CACNA2D3: variants seen among roughly 807,000 people sequenced by gnomAD.
The protein encoded by CACNA2D3 is calcium voltage-gated channel auxiliary subunit alpha2delta 3.
In CACNA2D3, 60 loss-of-function variants were observed where a neutral mutation model predicts 160.6. That is an observed-to-expected ratio of 0.37 (90% CI 0.30 to 0.46). The LOEUF (loss-of-function observed/expected upper bound fraction) is 0.46, where lower values mean the gene tolerates loss of function less well. Ranked by LOEUF, CACNA2D3 falls within the 20% of genes least tolerant of loss-of-function variation. CACNA2D3 has a pLI of 1.00. For missense variants in CACNA2D3, 1,205 were observed against 1,365.0 expected (o/e 0.88, Z 1.85); for synonymous variants, 558 against 492.9 (o/e 1.13, Z -1.75).
chr3:54,981,813 C>G (rs567819579), intron 29 of CACNA2D3, among the ~76,000 whole-genome samples: 11 of 152,354 alleles, frequency 7.2e-5, no homozygotes, highest in African/African-American at 2.4e-4. Context: ...CTTGCCCCCC[C>G]ATTGGGTCCC....
chr3:54,525,919 A>T (rs1348546138), intron 5 of CACNA2D3, among the ~76,000 whole-genome samples: 1 of 151,934 alleles, frequency 6.6e-6, no homozygotes, highest in African/African-American at 2.4e-5. Flanking sequence ...ATCCTTCAAT[A>T]TCTTTTTCTG....
chr3:54,795,250 A>G (rs1334973851), intron 13 of CACNA2D3, among the ~76,000 whole-genome samples: 1 of 151,476 alleles, frequency 6.6e-6, no homozygotes, highest in Non-Finnish European at 1.5e-5. Context: ...TTTGGTTTTT[A>G]TTGGTTTTTG....
At chr3:54,617,733 G>A (rs943754530) in intron 9 of CACNA2D3, among the ~76,000 whole-genome samples, 3 of 152,196 alleles carry the variant, frequency 2.0e-5, no homozygotes, top group African/African-American at 7.2e-5. Flanking sequence ...GGCAGGCTGA[G>A]CTAGGAGGAT....
intron 4 of CACNA2D3, among the ~76,000 whole-genome samples, chr3:54,498,916 T>G (rs894173914): frequency 6.6e-6 from 1 of 152,126 alleles, no homozygotes; most frequent in Non-Finnish European, 1.5e-5. Flanking sequence ...AATCTAGATA[T>G]CAATGATATT....
intron 4 of CACNA2D3, among the ~76,000 whole-genome samples, chr3:54,392,609 C>T (rs192248464): frequency 2.0e-5 from 3 of 152,142 alleles, no homozygotes; most frequent in Admixed American, 1.3e-4. Context: ...TGGTCCTCAC[C>T]AAGCTGGAAG....
At chr3:54,295,114 C>T (rs1173579134) in intron 2 of CACNA2D3, among the ~76,000 whole-genome samples, 3 of 152,190 alleles carry the variant, frequency 2.0e-5, no homozygotes, top group Non-Finnish European at 4.4e-5. Flanking sequence ...AGTGGAGACA[C>T]ATAGAGAAGA....
intron 3 of CACNA2D3, among the ~76,000 whole-genome samples, chr3:54,351,795 T>G (rs1698569353): frequency 6.6e-6 from 1 of 152,238 alleles, no homozygotes; most frequent in African/African-American, 2.4e-5. Flanking sequence ...GTTTTATCAT[T>G]CCTTGCTCGG....
chr3:54,452,736 A>G (rs1216760963), intron 4 of CACNA2D3, among the ~76,000 whole-genome samples: 1 of 152,178 alleles, frequency 6.6e-6, no homozygotes, highest in Non-Finnish European at 1.5e-5. Flanking sequence ...AATTTATTTC[A>G]TGGTTCTGGA....
At chr3:54,905,815 G>A (rs75942760) in intron 27 of CACNA2D3, among the ~76,000 whole-genome samples, 2,196 of 152,164 alleles carry the variant, frequency 0.014, 57 homozygotes, top group African/African-American at 0.047. Flanking sequence ...AGAACTGTTG[G>A]GTTAAACTGA....
Position 54,177,588 on chromosome 3 carries a change from C to T in CACNA2D3, c.204+53994C>T, listed in dbSNP as rs191732643. Among the ~76,000 whole-genome samples the T allele has an allele frequency of 7.2e-5, 11 of 152,302 alleles. No individual in the cohort carries two copies. In the East Asian group the frequency reaches 9.6e-4, roughly 13 times the overall value. ...ATCCTGCAGTTACAAAGCTTCCTTACGAGTTTCATTTTTAGGAAACGTCTT... is the reference window on the plus strand; with the variant it reads ...ATCCTGCAGTTACAAAGCTTCCTTATGAGTTTCATTTTTAGGAAACGTCTT... On this transcript the variant is annotated intron_variant, in intron 2 of 37. Coordinates refer to ENST00000474759, the MANE Select transcript of CACNA2D3 (RefSeq NM_018398.3).
intron 11 of CACNA2D3, among the ~76,000 whole-genome samples, chr3:54,735,245 G>T (rs928643632): frequency 6.6e-5 from 10 of 152,198 alleles, no homozygotes; most frequent in Non-Finnish European, 1.3e-4. Flanking sequence ...TTTGTTCCCT[G>T]GTGCCCTTAG....
intron 16 of CACNA2D3, among the ~76,000 whole-genome samples, chr3:54,842,428 C>T (rs764578860): frequency 2.6e-5 from 4 of 152,112 alleles, no homozygotes; most frequent in Admixed American, 6.6e-5. Flanking sequence ...CTAAAATACA[C>T]AAACTGTAAC....
At chr3:54,379,367 T>A (rs1699062391) in intron 3 of CACNA2D3, among the ~76,000 whole-genome samples, 2 of 152,218 alleles carry the variant, frequency 1.3e-5, no homozygotes, top group Non-Finnish European at 2.9e-5. Context: ...AAAGAAATGA[T>A]CACCTTGATA....
chr3:54,871,411 C>A (rs757647730), intron 17 of CACNA2D3, 128 bp from the exon 18 acceptor site: 2 of 634,828 alleles, frequency 3.2e-6, no homozygotes, highest in Non-Finnish European at 5.5e-6. Flanking sequence ...CCCTGCTGGG[C>A]TTCTCACCCT....
intron 11 of CACNA2D3, among the ~76,000 whole-genome samples, chr3:54,663,617 C>T (rs1700009982): frequency 6.6e-6 from 1 of 152,216 alleles, no homozygotes; most frequent in Non-Finnish European, 1.5e-5. Context: ...CAACTAAATG[C>T]ATTTATGATT....
rs572076052 is a variant in CACNA2D3 at position 54,568,962 on chromosome 3, C to T, written c.677-833C>T. The stretch of plus-strand genomic sequence containing the variant: ...TCAGCTGAGTCAGGATTCTCTCCTG[C>T]GAAAACGATATTTCTGTTTTTATTT... On this transcript the variant is annotated intron_variant, in intron 6 of 37. Transcript: ENST00000474759. Among the ~76,000 whole-genome samples the T allele has an allele frequency of 1.1e-4, 17 of 152,304 alleles. 1 individual carries two copies. The highest frequency in any genetic ancestry group is 3.1e-4 in the African/African-American group (13 of 41,564).
chr3:54,918,461 A>G, intron 27 of CACNA2D3: 1 of 1,611,296 alleles, frequency 6.2e-7, no homozygotes, highest in Non-Finnish European at 8.5e-7. Flanking sequence ...AAAAGCTCTC[A>G]GGCTGGTGAG....
At chr3:54,908,219 C>G (rs563690688) in intron 27 of CACNA2D3, among the ~76,000 whole-genome samples, 4 of 152,284 alleles carry the variant, frequency 2.6e-5, no homozygotes, top group South Asian at 2.1e-4. Flanking sequence ...CTAATACTGT[C>G]TGTCTTTTTT....
At chr3:54,728,684 C>T (rs544912516) in intron 11 of CACNA2D3, among the ~76,000 whole-genome samples, 10 of 152,234 alleles carry the variant, frequency 6.6e-5, no homozygotes, top group African/African-American at 1.7e-4. Flanking sequence ...AATCCTGTGG[C>T]GGGCAAATAG....
Sources: gnomAD v4.1 joint callset for allele counts (sites outside exome capture counted in the v4.1 genomes callset) on GRCh38, gnomAD v4.1.1 for gene constraint, MANE v1.5 for transcripts, NCBI Gene and HGNC (gene_info 2026-07-23, HGNC 2026-07-21) for gene names.